SYNCRIP: variants seen among roughly 807,000 people sequenced by gnomAD.
The protein encoded by SYNCRIP is synaptotagmin binding cytoplasmic RNA interacting protein, also known as heterogeneous nuclear ribonucleoprotein Q.
In SYNCRIP, 9 loss-of-function variants were observed where a neutral mutation model predicts 68.9. That is an observed-to-expected ratio of 0.13 (90% CI 0.08 to 0.23). The LOEUF (loss-of-function observed/expected upper bound fraction) is 0.23. SYNCRIP is among the 10% of genes least tolerant of loss of function. SYNCRIP has a pLI of 1.00. For missense variants in SYNCRIP, 414 were observed against 770.6 expected (o/e 0.54, Z 5.48); for synonymous variants, 258 against 254.0 (o/e 1.02, Z -0.15).
intron 6 of SYNCRIP, among the ~76,000 whole-genome samples, chr6:85,627,510 T>C (rs532196325): frequency 1.3e-5 from 2 of 151,670 alleles, no homozygotes; most frequent in African/African-American, 4.8e-5. Context: ...TGCCACTCTA[T>C]CACCTAAAAA....
chr6:85,643,800 T>G (rs2128308083), upstream of SYNCRIP: 2 of 150,012 alleles, frequency 1.3e-5, no homozygotes, highest in East Asian at 2.1e-4. Context: ...CGCGTAGCCG[T>G]TCCAGGCGGT....
chr6:85,625,633 G>A (rs1251050215), intron 6 of SYNCRIP, among the ~76,000 whole-genome samples: 2 of 151,918 alleles, frequency 1.3e-5, no homozygotes, highest in Admixed American at 6.6e-5. Context: ...TGATCCACTC[G>A]CCTCGGCCTC....
chr6:85,626,988 AG>A (rs977343196), intron 6 of SYNCRIP, among the ~76,000 whole-genome samples: 7 of 152,162 alleles, frequency 4.6e-5, no homozygotes, highest in Admixed American at 1.3e-4. Flanking sequence ...AACTTGGGCC[AG>A]GCGCGGTGGC....
At chr6:85,639,460 C>T (rs1251338829) in intron 4 of SYNCRIP, among the ~76,000 whole-genome samples, 2 of 152,186 alleles carry the variant, frequency 1.3e-5, no homozygotes, top group Non-Finnish European at 2.9e-5. Context: ...AAACAGCTAA[C>T]TCCATATACC....
chr6:85,614,356 T>G lies in SYNCRIP; in HGVS notation c.*400A>C. The G allele has an allele frequency of 1.0e-6, 1 of 990,166 alleles. No homozygotes were observed. Among genetic ancestry groups the G allele is most frequent in the Non-Finnish European group, 1.2e-6 (1 of 833,098 alleles). 61.3% of individuals were successfully genotyped at this position (990,166 alleles called of 1,614,324 possible). ...TATCAATTTACCTTATTCTAGCAAT[T>G]TAAGTTGGTAACATACAAAGTTATT... On this transcript the variant is annotated 3_prime_UTR_variant, in exon 11 of 11. Coordinates refer to ENST00000369622, the MANE Select transcript of SYNCRIP (RefSeq NM_006372.5).
At position 85,640,203 on chromosome 6, in the gene SYNCRIP, G is replaced by C. The variant is rs1440392941; in HGVS notation, c.375+18C>G. 12 of 1,533,600 alleles carry C rather than the reference G, an allele frequency of 7.8e-6. No individual in the cohort carries two copies. Among genetic ancestry groups the C allele is most frequent in the Non-Finnish European group, 1.1e-5 (12 of 1,109,440 alleles). 95.0% of individuals were successfully genotyped at this position (1,533,600 alleles called of 1,614,324 possible). ...GTTAAAATGACTTTAAAACTAAAGGGAGTATAGAAAGACATACCTTAATTT... is the reference window on the plus strand; with the variant it reads ...GTTAAAATGACTTTAAAACTAAAGGCAGTATAGAAAGACATACCTTAATTT... On this transcript the variant is annotated intron_variant, in intron 4 of 10. Transcript: ENST00000369622.
chr6:85,635,774 C>CAAAAAAAAAAAAAAAAAAA (rs58599854), intron 6 of SYNCRIP, among the ~76,000 whole-genome samples: 1 of 78,908 alleles, frequency 1.3e-5, no homozygotes, highest in Non-Finnish European at 2.4e-5. Context: ...TTCTATCTCC[C>CAAAAAAAAAAAAAAAAAAA]AAAAAAAAAA....
At chr6:85,636,568 T>C (rs1366781839) in intron 6 of SYNCRIP, among the ~76,000 whole-genome samples, 1 of 152,220 alleles carries the variant, frequency 6.6e-6, no homozygotes, top group Non-Finnish European at 1.5e-5. Context: ...TTTTGTTTCA[T>C]CAACTAGAAA....
In SYNCRIP at chr6:85,629,860, T is replaced by C. The variant is rs540929336; in HGVS notation, c.667-5748A>G. On this transcript the variant is annotated intron_variant, in intron 6 of 10. Transcript: ENST00000369622. ...TTAGTCAGGCATGGTGGCGGGCTCCTGTAGTCCCAGCTACTCGGGAGGCCG... is the reference window on the plus strand; with the variant it reads ...TTAGTCAGGCATGGTGGCGGGCTCCCGTAGTCCCAGCTACTCGGGAGGCCG... 5.9e-5 allele frequency among the ~76,000 whole-genome samples: 9 copies of C among 152,062 alleles called. No homozygotes were observed. The South Asian group carries it at 1.9e-3, about 32-fold the overall frequency.
chr6:85,626,527 C>T (rs1036432814), intron 6 of SYNCRIP, among the ~76,000 whole-genome samples: 2 of 151,954 alleles, frequency 1.3e-5, no homozygotes, highest in African/African-American at 4.8e-5. Flanking sequence ...AAGAAAATAC[C>T]TAATTCTAAA....
intron 10 of SYNCRIP, among the ~76,000 whole-genome samples, chr6:85,617,415 A>G (rs1347811157): frequency 1.3e-5 from 2 of 152,198 alleles, no homozygotes; most frequent in African/African-American, 2.4e-5. Context: ...AATTAACCAT[A>G]TATCGTCTTC....
At chr6:85,633,257 AAAAC>A (rs200347817) in intron 6 of SYNCRIP, among the ~76,000 whole-genome samples, 11,436 of 137,876 alleles carry the variant, frequency 0.083, 702 homozygotes, top group East Asian at 0.21. Context: ...CTCCATCTCA[AAAAC>A]AAATAAATAA....
At chr6:85,636,310 G>T (rs1304208542) in intron 6 of SYNCRIP, among the ~76,000 whole-genome samples, 1 of 151,954 alleles carries the variant, frequency 6.6e-6, no homozygotes, top group Non-Finnish European at 1.5e-5. Context: ...CCTGAGCGTG[G>T]TGGCAGGCGC....
rs1562087643 is a variant in SYNCRIP at position 85,623,571 on chromosome 6, A to AAAAAAACAAAAAAAAAAAAAC, written c.802+405_802+406insGTTTTTTTTTTTTTGTTTTTT. On this transcript the variant is annotated intron_variant, in intron 7 of 10. Coordinates refer to ENST00000369622, the MANE Select transcript of SYNCRIP (RefSeq NM_006372.5). ...AAAGCAAGACTGTCTCCAAAAAAAA[A>AAAAAAACAAAAAAAAAAAAAC]AAAAAAAAAAAACACTCTGCTACGG... 7.0e-4 allele frequency among the ~76,000 whole-genome samples: 103 copies of AAAAAAACAAAAAAAAAAAAAC among 147,964 alleles called. 3 individuals are homozygous for AAAAAAACAAAAAAAAAAAAAC. The highest frequency in any genetic ancestry group is 2.2e-3 in the African/African-American group (85 of 38,542).
intron 7 of SYNCRIP, among the ~76,000 whole-genome samples, chr6:85,623,562 C>CAAAAAAAAAAAAAAAAA (rs67258131): frequency 7.9e-5 from 5 of 63,238 alleles, no homozygotes; most frequent in African/African-American, 3.4e-4. Context: ...AGACTGTCTC[C>CAAAAAAAAAAAAAAAAA]AAAAAAAAAA....
At chr6:85,619,193 T>C in intron 9 of SYNCRIP, 75 bp downstream of exon 9, 6 of 1,574,130 alleles carry the variant, frequency 3.8e-6, no homozygotes, top group Non-Finnish European at 5.2e-6. Context: ...CTCCAATTTG[T>C]AAAACTATTT....
chr6:85,609,109 C>T (rs1422641525), downstream of SYNCRIP: 1 of 151,810 alleles, frequency 6.6e-6, no homozygotes, highest in East Asian at 1.9e-4. Flanking sequence ...CCAGTGAATT[C>T]CTATGGCCAG....
chr6:85,627,394 A>T (rs1344463256), intron 6 of SYNCRIP, among the ~76,000 whole-genome samples: 1 of 152,176 alleles, frequency 6.6e-6, no homozygotes, highest in African/African-American at 2.4e-5. Context: ...AACTATAACA[A>T]AAGTAGTACC....
chr6:85,615,887 A>G (rs1805708620), intron 10 of SYNCRIP, among the ~76,000 whole-genome samples: 1 of 152,276 alleles, frequency 6.6e-6, no homozygotes. Context: ...TTATTACAAA[A>G]GCAAAATGGC....
Sources: gnomAD v4.1 joint callset for allele counts (sites outside exome capture counted in the v4.1 genomes callset) on GRCh38, gnomAD v4.1.1 for gene constraint, MANE v1.5 for transcripts, NCBI Gene and HGNC (gene_info 2026-07-23, HGNC 2026-07-21) for gene names.